The following NREP variants were observed in gnomAD, a reference collection of about 807,000 sequenced individuals.
The protein encoded by NREP is neuronal regeneration related protein, also known as neuronal regeneration-related protein.
Under a neutral mutation model 8.6 loss-of-function variants are expected in NREP, and 5 were observed. The ratio of observed to expected loss-of-function variants is 0.58; its 90% confidence interval spans 0.30 to 1.22. NREP has a LOEUF of 1.22. NREP is among the 50% of genes most tolerant of loss of function. NREP has a pLI of 0.07. For missense variants in NREP, 86 were observed against 82.5 expected, an observed-to-expected ratio of 1.04 and a Z score of -0.17; for synonymous variants, 27 against 28.0, an observed-to-expected ratio of 0.96 and a Z score of 0.11.
Position 111,846,420 on chromosome 5 carries a change from CTTTTTTTTT to C in NREP, c.136-110922_136-110914del. 40 of 44,424 alleles carry C rather than the reference CTTTTTTTTT, an allele frequency of 9.0e-4. 1 individual carries two copies. The highest frequency in any genetic ancestry group is 2.2e-3 in the South Asian group (2 of 912). 2.8% of individuals were successfully genotyped at this position (44,424 alleles called of 1,614,324 possible). Reference sequence around the variant, plus strand: ...TTTGCTCCCTTTACCTTTTTGTTTGCTTTTTTTTTTTTTTTTTTTTTTTTTGTCTAAAGG... The same window carrying C: ...TTTGCTCCCTTTACCTTTTTGTTTGCTTTTTTTTTTTTTTTTGTCTAAAGG... On this transcript the variant is annotated intron_variant, in intron 2 of 3. Transcript: ENST00000395634.
At chr5:111,843,291 G>A (rs1326360174) in intron 2 of NREP, among the ~76,000 whole-genome samples, 1 of 151,538 alleles carries the variant, frequency 6.6e-6, no homozygotes, top group Non-Finnish European at 1.5e-5. Flanking sequence ...CTTCAAGCTT[G>A]CTGATTGCTT....
intron 2 of NREP, among the ~76,000 whole-genome samples, chr5:111,960,660 C>T (rs1347006265): frequency 6.6e-6 from 1 of 152,150 alleles, no homozygotes; most frequent in African/African-American, 2.4e-5. Flanking sequence ...TGAATTGGCT[C>T]ACTGGAGCAG....
At chr5:111,786,272 C>G (rs1333109732) in intron 2 of NREP, among the ~76,000 whole-genome samples, 4 of 152,174 alleles carry the variant, frequency 2.6e-5, no homozygotes, top group Non-Finnish European at 5.9e-5. Flanking sequence ...GCTTCCCTTT[C>G]CTCTAGGATT....
At chr5:111,831,932 T>C (rs1014204112) in intron 2 of NREP, among the ~76,000 whole-genome samples, 4 of 152,122 alleles carry the variant, frequency 2.6e-5, no homozygotes, top group Non-Finnish European at 5.9e-5. Flanking sequence ...GGTCACTGGG[T>C]TGAGTACACT....
In NREP at chr5:111,795,567, G is replaced by A. The variant is rs759974972; in HGVS notation, c.136-60060C>T. On this transcript the variant is annotated intron_variant, in intron 2 of 3. Coordinates refer to the NREP transcript ENST00000395634. ...GATACTTAATTTGTCTAAACTATATGAGAGATAAATTCCTTTTACTATTCT... is the reference window on the plus strand; with the variant it reads ...GATACTTAATTTGTCTAAACTATATAAGAGATAAATTCCTTTTACTATTCT... Among the ~76,000 whole-genome samples the A allele has an allele frequency of 6.4e-4, 97 of 152,294 alleles. 1 individual carries two copies. The highest frequency in any genetic ancestry group is 2.3e-3 in the African/African-American group (94 of 41,558).
intron 2 of NREP, among the ~76,000 whole-genome samples, chr5:111,871,406 G>T (rs574669338): frequency 6.6e-6 from 1 of 152,238 alleles, no homozygotes; most frequent in South Asian, 2.1e-4. Context: ...ACTAGAAGTT[G>T]CTCTGGGTGA....
At chr5:111,938,252 A>G (rs1290369657) in intron 2 of NREP, among the ~76,000 whole-genome samples, 1 of 152,054 alleles carries the variant, frequency 6.6e-6, no homozygotes, top group Non-Finnish European at 1.5e-5. Flanking sequence ...TGTTATACAA[A>G]GGCTGATTCT....
At chr5:111,898,419 C>A (rs1754565490) in intron 2 of NREP, among the ~76,000 whole-genome samples, 1 of 152,108 alleles carries the variant, frequency 6.6e-6, no homozygotes, top group Non-Finnish European at 1.5e-5. Context: ...AGTTTCTGGC[C>A]TAAGTAATTG....
At chr5:111,753,619 T>C (rs1325324346) in intron 2 of NREP, among the ~76,000 whole-genome samples, 1 of 151,984 alleles carries the variant, frequency 6.6e-6, no homozygotes, top group Non-Finnish European at 1.5e-5. Flanking sequence ...ATACTGAAAT[T>C]AGATCCTCTT....
upstream of NREP, chr5:111,757,353 A>AAGG: frequency 1.2e-5 from 11 of 905,686 alleles, no homozygotes; most frequent in Non-Finnish European, 1.5e-5. Context: ...GCCTTGGAAA[A>AAGG]AGGAGGAGGA....
chr5:111,883,037 G>C (rs1308224722), intron 2 of NREP, among the ~76,000 whole-genome samples: 2 of 152,224 alleles, frequency 1.3e-5, no homozygotes, highest in South Asian at 4.1e-4. Flanking sequence ...CTGGCAAATT[G>C]GATGAAGAGT....
intron 2 of NREP, among the ~76,000 whole-genome samples, chr5:111,943,475 T>C (rs1755888718): frequency 6.6e-6 from 1 of 152,064 alleles, no homozygotes; most frequent in Admixed American, 6.6e-5. Flanking sequence ...TAAACCTATA[T>C]CTCTAGCTTG....
chr5:111,853,800 T>C (rs1753363449), intron 2 of NREP, among the ~76,000 whole-genome samples: 1 of 152,102 alleles, frequency 6.6e-6, no homozygotes, highest in Admixed American at 6.6e-5. Context: ...TAAATACTTA[T>C]TTTTAAGGTT....
At chr5:111,915,781 T>A (rs1307103143) in intron 2 of NREP, among the ~76,000 whole-genome samples, 7 of 152,202 alleles carry the variant, frequency 4.6e-5, no homozygotes, top group Non-Finnish European at 4.4e-5. Flanking sequence ...TTTTCTGTTA[T>A]AATTGAGTCT....
chr5:111,854,333 C>T (rs1011910471), intron 2 of NREP, among the ~76,000 whole-genome samples: 2 of 152,168 alleles, frequency 1.3e-5, no homozygotes, highest in African/African-American at 4.8e-5. Context: ...CGGGGCCAAC[C>T]TTTCCTTGGC....
intron 2 of NREP, among the ~76,000 whole-genome samples, chr5:111,942,708 T>C (rs1369051078): frequency 2.6e-5 from 4 of 151,918 alleles, no homozygotes; most frequent in African/African-American, 4.8e-5. Flanking sequence ...TACTCCAGAT[T>C]TGGTCAAAAT....
intron 2 of NREP, among the ~76,000 whole-genome samples, chr5:111,889,138 C>A (rs576512662): frequency 4.6e-5 from 7 of 152,324 alleles, no homozygotes; most frequent in South Asian, 2.1e-4. Context: ...AGAAGAATAA[C>A]TGACTCATGG....
chr5:111,776,541 T>C (rs1400789280), intron 2 of NREP, among the ~76,000 whole-genome samples: 1 of 152,146 alleles, frequency 6.6e-6, no homozygotes, highest in East Asian at 1.9e-4. Context: ...TTTTTCAAAA[T>C]AGCCCTTAAC....
intron 2 of NREP, among the ~76,000 whole-genome samples, chr5:111,745,778 A>G (rs1749962967): frequency 1.3e-5 from 2 of 152,192 alleles, no homozygotes; most frequent in Non-Finnish European, 2.9e-5. Context: ...GAATATAAAC[A>G]CTTTTCAGAC....
Sources: allele counts gnomAD v4.1 joint callset (sites outside exome capture counted in the v4.1 genomes callset), GRCh38; gene constraint gnomAD v4.1.1; transcripts MANE v1.5; gene names NCBI Gene and HGNC (gene_info 2026-07-23, HGNC 2026-07-21).